Variants in SLC9A5 observed in about 807,000 individuals in gnomAD.
SLC9A5 encodes sodium/hydrogen exchanger 5.
Under a neutral mutation model 91.7 loss-of-function variants are expected in SLC9A5, and 52 were observed. That is an observed-to-expected ratio of 0.57 (90% CI 0.45 to 0.71). SLC9A5 has a LOEUF of 0.71. Ranked by LOEUF, SLC9A5 falls within the 30% of genes least tolerant of loss-of-function variation. The pLI is 0.00. For synonymous variants in SLC9A5, 419 were observed against 474.5 expected, an observed-to-expected ratio of 0.88 and a Z score of 1.52; for missense variants, 871 against 1,158.9, an observed-to-expected ratio of 0.75 and a Z score of 3.61.
Position 67,270,979 on chromosome 16 carries a change from G to A in SLC9A5, c.2460G>A (p.Arg820=). 1 of 1,614,004 alleles carries A rather than the reference G, an allele frequency of 6.2e-7. No individual in the cohort carries two copies. Among genetic ancestry groups the A allele is most frequent in the Non-Finnish European group, 8.5e-7 (1 of 1,179,954 alleles). ...PILTCLPPHP[R]GTEEPQVPLH... ...TGACCTGCCTGCCTCCCCATCCACG[G>A]GGCACTGAAGAGCCCCAGGTCCCTC... The change falls in exon 16 of 16, where the codon CGG becomes CGA. Residue 820 remains arginine, a synonymous_variant. Transcript: ENST00000299798. This position sits in a 1 kb window ranked among gnomAD's most constrained non-coding sequence, Gnocchi z 4.3.
At chr16:67,253,970 A>G (rs2035221439) in intron 2 of SLC9A5, among the ~76,000 whole-genome samples, 1 of 152,208 alleles carries the variant, frequency 6.6e-6, no homozygotes, top group Non-Finnish European at 1.5e-5. Flanking sequence ...TACAATTGCT[A>G]CCTGGGACTC....
intron 12 of SLC9A5, chr16:67,262,107 C>T: frequency 2.9e-6 from 1 of 343,538 alleles, no homozygotes; most frequent in Non-Finnish European, 6.0e-6. Context: ...TGTTTGGTTC[C>T]CATGTCTGCC....
intron 1 of SLC9A5, 82 bp downstream of exon 1, chr16:67,249,283 T>C: frequency 8.6e-7 from 1 of 1,159,498 alleles, no homozygotes; most frequent in Non-Finnish European, 1.1e-6. Flanking sequence ...GTCCTCAGAT[T>C]GGGGCTGGCT....
In SLC9A5 at chr16:67,264,457, T is replaced by C. The variant is rs1356100897; in HGVS notation, c.1948T>C (p.Ser650Pro). ...GAAGCGGCGGCTGGAGTCCTTTAAG[T>C]CCACCAAGCACAACATCTGCTTCAC... ...NMKRRLESFK[S>P]TKHNICFTKS... The change falls in exon 13 of 16, where the codon TCC (serine) becomes CCC (proline). Residue 650 changes from serine (S) to proline (P), a missense_variant. Coordinates refer to ENST00000299798, the MANE Select transcript of SLC9A5 (RefSeq NM_004594.3). 6.2e-7 allele frequency: 1 copy of C among 1,614,032 alleles called. No individual in the cohort carries two copies. The highest frequency in any genetic ancestry group is 1.7e-5 in the Admixed American group (1 of 59,994).
intron 15 of SLC9A5, among the ~76,000 whole-genome samples, chr16:67,266,570 TG>T (rs2035711918): frequency 6.6e-6 from 1 of 152,202 alleles, no homozygotes; most frequent in Non-Finnish European, 1.5e-5. Flanking sequence ...GACAGAGTTT[TG>T]CTCTTGTCAT....
At position 67,250,017 on chromosome 16, in the gene SLC9A5, T is replaced by A. The variant is rs528080258; in HGVS notation, c.187+816T>A. ...GAGACCCTCCTCCTTCTCCCTGTTG[T>A]GCTGGCTCTGCTGTGGGGGTGACTA... is the stretch of plus-strand genomic sequence containing the variant. On this transcript the variant is annotated intron_variant, in intron 1 of 15. Transcript: ENST00000299798. Among the ~76,000 whole-genome samples, 8 of 152,314 alleles carry A rather than the reference T, an allele frequency of 5.3e-5. No individual in the cohort carries two copies. The South Asian group carries it at 1.7e-3, about 32-fold the overall frequency.
At position 67,264,517 on chromosome 16, in the gene SLC9A5, A is replaced by G. The variant is rs757179033; in HGVS notation, c.2008A>G (p.Arg670Gly). The change falls in exon 13 of 16, where the codon AGG (arginine) becomes GGG (glycine). Residue 670 changes from arginine (R) to glycine (G), a missense_variant. Physicochemically the swap from Arg to Gly is moderately radical, Grantham distance 125 (BLOSUM62 -2). Coordinates refer to ENST00000299798, the MANE Select transcript of SLC9A5 (RefSeq NM_004594.3). ...GCCACGACCCCGCAAGACTGGCCGC[A>G]GGAAGGCATGTCTTCCCTCAGGGAC... is the stretch of plus-strand genomic sequence containing the variant. Reference protein sequence around the residue: ...SKPRPRKTGRRKKDGVANAEA... With the variant: ...SKPRPRKTGRGKKDGVANAEA... 13 of 1,614,024 alleles carry G rather than the reference A, an allele frequency of 8.1e-6. No homozygotes were observed. The South Asian group carries it at 1.3e-4, about 16-fold the overall frequency.
intron 1 of SLC9A5, among the ~76,000 whole-genome samples, chr16:67,251,079 C>T (rs2035098854): frequency 6.6e-6 from 1 of 152,162 alleles, no homozygotes; most frequent in Non-Finnish European, 1.5e-5. Flanking sequence ...TATCCTCACC[C>T]TTGATGCTGG....
intron 12 of SLC9A5, chr16:67,262,343 A>G (rs771227252): frequency 2.3e-6 from 1 of 442,650 alleles, no homozygotes; most frequent in Non-Finnish European, 4.6e-6. Flanking sequence ...ACAATCCACA[A>G]TTTCTCATGT....
rs778115567 is a variant in SLC9A5, at chr16:67,256,717, C to T, written c.1132+28C>T. 35 of 1,555,056 alleles carry T rather than the reference C, an allele frequency of 2.3e-5. No individual in the cohort carries two copies. In the East Asian group the frequency reaches 7.6e-4, roughly 34 times the overall value. On this transcript the variant is annotated intron_variant, in intron 6 of 15. Transcript: ENST00000299798. This position sits in a 1 kb window ranked among gnomAD's most constrained non-coding sequence, Gnocchi z 4.1. Reference sequence around the variant, plus strand: ...ATTGCTGGCACCCTCTGCTTTCCCACTCTCCTTCCTGTCCCGCCCCTCCCT... The same window carrying T: ...ATTGCTGGCACCCTCTGCTTTCCCATTCTCCTTCCTGTCCCGCCCCTCCCT...
In SLC9A5 at chr16:67,252,374, C is replaced by T. The variant is rs527533775; in HGVS notation, c.188-168C>T. Among the ~76,000 whole-genome samples, 17 of 151,120 alleles carry T rather than the reference C, an allele frequency of 1.1e-4. No individual in the cohort carries two copies. The East Asian group carries it at 2.8e-3, about 25-fold the overall frequency. ...CTGAGGCAGGAGAATCACTTGAACC[C>T]GGGAGGTGAAGGTTGCAGTGAGCTG... On this transcript the variant is annotated intron_variant, in intron 1 of 15. Coordinates refer to ENST00000299798, the MANE Select transcript of SLC9A5 (RefSeq NM_004594.3). The surrounding 1 kb of genome is among the most constrained non-coding windows in gnomAD (Gnocchi z 4.0).
At position 67,260,354 on chromosome 16, in the gene SLC9A5, C is replaced by CAAAAAAAAAAAAAAAAAAAAAA. The variant is rs397932908; in HGVS notation, c.1842+410_1842+431dup. Among the ~76,000 whole-genome samples, 34 of 33,442 alleles carry CAAAAAAAAAAAAAAAAAAAAAA rather than the reference C, an allele frequency of 1.0e-3. 1 individual carries two copies. The highest frequency in any genetic ancestry group is 4.5e-3 in the African/African-American group (23 of 5,166). 21.9% of individuals were successfully genotyped at this position (33,442 alleles called of 152,430 possible). On this transcript the variant is annotated intron_variant, in intron 12 of 15. Coordinates refer to ENST00000299798, the MANE Select transcript of SLC9A5 (RefSeq NM_004594.3). ...TGGGTAACAGAGCAAGACTCCATCT[C>CAAAAAAAAAAAAAAAAAAAAAA]AAAAAAAAAAAAAAAAAAAAAAAGA...
At position 67,255,872 on chromosome 16, in the gene SLC9A5, C is replaced by T. The variant is rs780337818; in HGVS notation, c.853C>T (p.Leu285Phe). ...CATCATCGAGCCGCTGCTGGTCTTC[C>T]TCCTCGCCTACGCAGCCTACCTCAC... ...VRIIEPLLVF[L>F]LAYAAYLTAE... Residue 285 changes from leucine to phenylalanine, a missense_variant, in exon 5 of 16, where the codon CTC becomes TTC. By Grantham distance (22) the Leu-to-Phe change is conservative. This residue lies in a region of SLC9A5 where 454 missense variants were observed against 718.3 expected (regional missense o/e 0.63). Coordinates refer to ENST00000299798, the MANE Select transcript of SLC9A5 (RefSeq NM_004594.3). The surrounding 1 kb of genome is among the most constrained non-coding windows in gnomAD (Gnocchi z 4.9). The T allele has an allele frequency of 1.2e-6, 2 of 1,613,620 alleles. No homozygotes were observed. Among genetic ancestry groups the T allele is most frequent in the African/African-American group, 1.3e-5 (1 of 74,948 alleles).
At chr16:67,253,689 AT>A (rs1221917382) in intron 2 of SLC9A5, among the ~76,000 whole-genome samples, 1 of 152,078 alleles carries the variant, frequency 6.6e-6, no homozygotes, top group African/African-American at 2.4e-5. Context: ...TGCCCAGCTA[AT>A]TTTTGTATTT....
intron 12 of SLC9A5, chr16:67,262,054 T>A: frequency 3.0e-6 from 1 of 332,000 alleles, no homozygotes; most frequent in Non-Finnish European, 6.1e-6. Context: ...TTTGTGTGTA[T>A]CCTGTTAAAT....
At chr16:67,264,816 A>C (rs772260055) in intron 13 of SLC9A5, among the ~76,000 whole-genome samples, 15 of 149,474 alleles carry the variant, frequency 1.0e-4, no homozygotes, top group Non-Finnish European at 1.2e-4. Context: ...TTTGAGGGGC[A>C]ACTCCATGAG....
In SLC9A5 at chr16:67,258,245, C is replaced by T; in HGVS notation, c.1497-73C>T. Reference sequence around the variant, plus strand: ...CAGGCCAGTGCTGACGGTGTCCTTGCCCCGTCTGAGGAAGGGCCACCTGGC... The same window carrying T: ...CAGGCCAGTGCTGACGGTGTCCTTGTCCCGTCTGAGGAAGGGCCACCTGGC... On this transcript the variant is annotated intron_variant, in intron 9 of 15. Transcript: ENST00000299798. The surrounding 1 kb of genome is among the most constrained non-coding windows in gnomAD (Gnocchi z 4.5). The T allele has an allele frequency of 6.5e-7, 1 of 1,546,022 alleles. No homozygotes were observed. The highest frequency in any genetic ancestry group is 2.2e-5 in the East Asian group (1 of 44,450).
rs1255419750 is a variant in SLC9A5 at position 67,271,572 on chromosome 16, A to G, written c.*362A>G. 2 of 256,206 alleles carry G rather than the reference A, an allele frequency of 7.8e-6. No individual in the cohort carries two copies. The highest frequency in any genetic ancestry group is 2.2e-5 in the African/African-American group (1 of 45,636). 15.9% of individuals were successfully genotyped at this position (256,206 alleles called of 1,614,324 possible). A position where few individuals can be genotyped will look rare whatever the true frequency, so the allele number is the denominator to read the frequency against. On this transcript the variant is annotated 3_prime_UTR_variant, in exon 16 of 16. Coordinates refer to ENST00000299798, the MANE Select transcript of SLC9A5 (RefSeq NM_004594.3). ...CTCCTGCCCGCAAAGCAAGAGCATCATTCCTATTCTTCAGTGGATGCCAGC... is the reference window on the plus strand; with the variant it reads ...CTCCTGCCCGCAAAGCAAGAGCATCGTTCCTATTCTTCAGTGGATGCCAGC...
intron 15 of SLC9A5, among the ~76,000 whole-genome samples, chr16:67,269,555 G>A (rs1191645772): frequency 6.6e-6 from 1 of 152,148 alleles, no homozygotes; most frequent in Non-Finnish European, 1.5e-5. Flanking sequence ...TCATTCCCTA[G>A]CAGCCTGTAA....
Sources: gnomAD v4.1 joint callset for allele counts (sites outside exome capture counted in the v4.1 genomes callset) on GRCh38, gnomAD v4.1.1 for gene constraint, gnomAD v4.1.1 regional missense constraint, Gnocchi (gnomAD v3.1) non-coding constraint, MANE v1.5 for transcripts, NCBI Gene and HGNC (gene_info 2026-07-23, HGNC 2026-07-21) for gene names.